Variants in OPLAH observed in about 807,000 individuals in gnomAD.
OPLAH encodes the protein 5-oxoprolinase.
Under a neutral mutation model 122.8 loss-of-function variants are expected in OPLAH, and 103 were observed. The observed-to-expected ratio is 0.84, with a 90% CI of 0.71 to 0.99. The LOEUF (loss-of-function observed/expected upper bound fraction) is 0.99, where lower values mean the gene tolerates loss of function less well. Ranked by LOEUF, OPLAH falls within the 50% of genes least tolerant of loss-of-function variation. OPLAH has a pLI of 0.00. For synonymous variants in OPLAH, 875 were observed against 796.0 expected (o/e 1.10, Z -1.67); for missense variants, 1,902 against 1,836.5 (o/e 1.04, Z -0.65).
chr8:144,051,083 G>T, downstream of OPLAH: 1 of 1,360,000 alleles, frequency 7.4e-7, no homozygotes, highest in Non-Finnish European at 9.4e-7. Flanking sequence ...TGCGGCACTG[G>T]GACGACCCTC....
intron 3 of OPLAH, 75 bp downstream of exon 3, chr8:144,059,524 C>A: frequency 6.9e-7 from 1 of 1,446,152 alleles, no homozygotes; most frequent in Non-Finnish European, 9.4e-7. Flanking sequence ...CCAACAACTG[C>A]TCTCCCCACA....
rs1554760055 is a variant in OPLAH at position 144,058,576 on chromosome 8, C to A, written c.703G>T (p.Ala235Ser). 10 of 1,602,010 alleles carry A rather than the reference C, an allele frequency of 6.2e-6. No homozygotes were observed. The highest frequency in any genetic ancestry group is 6.8e-6 in the Non-Finnish European group (8 of 1,179,210). Residue 235 changes from alanine (A) to serine (S), a missense_variant, in exon 6 of 27, where the codon GCC (alanine) becomes TCC (serine). Transcript: ENST00000618853. ...GGCGTGAGGTAGGCGTCGGCACAGG[C>A]CGTGTGCCCCCGAGGGACGATGCGC... ...MVRIVPRGHT[A>S]CADAYLTPAI...
chr8:144,054,955 G>C (rs1564289920), intron 17 of OPLAH, 42 bp from the exon 18 acceptor site: 1 of 1,305,256 alleles, frequency 7.7e-7, no homozygotes, highest in East Asian at 3.4e-5. Context: ...CAGGGGAGCA[G>C]GGGCCAGAGC....
Position 144,054,814 on chromosome 8 carries a change from G to A in OPLAH, c.2509C>T (p.Pro837Ser). The A allele has an allele frequency of 6.2e-7, 1 of 1,612,256 alleles. No homozygotes were observed. Among genetic ancestry groups the A allele is most frequent in the Non-Finnish European group, 8.5e-7 (1 of 1,179,802 alleles). The change falls in exon 18 of 27, where the codon CCG (proline) becomes TCG (serine). Residue 837 changes from proline to serine, a missense_variant and splice_region_variant. Pro to Ser is a moderately conservative substitution (Grantham distance 74). Coordinates refer to ENST00000618853, the MANE Select transcript of OPLAH (RefSeq NM_017570.5). ...GGCAGGCGGGCAGCACCCCTCACCG[G>A]TGTGATAACAGTCAGGTCTGGCAGG... is the stretch of plus-strand genomic sequence containing the variant. ...SHLPDLTVIT[P>S]VFWPGQTRPV...
downstream of OPLAH, chr8:144,050,562 G>C (rs1446631727): frequency 1.0e-6 from 1 of 985,534 alleles, no homozygotes; most frequent in Non-Finnish European, 1.2e-6. Context: ...GCAGGAGCAC[G>C]AGCTCTTCCG....
In OPLAH at chr8:144,054,909, T is replaced by A; in HGVS notation, c.2414A>T (p.Gln805Leu). Reference sequence around the variant, plus strand: ...AGGGTGGAGATCGGCCCCCAGGTGCTGAATCTGAAACCAGGAGATGGGTGC... The same window carrying A: ...AGGGTGGAGATCGGCCCCCAGGTGCAGAATCTGAAACCAGGAGATGGGTGC... ...AMQETVQFQI[Q>L]HLGADLHPGD... Residue 805 changes from glutamine (Q) to leucine (L), a missense_variant, in exon 18 of 27, where the codon CAG becomes CTG. By Grantham distance (113) the Gln-to-Leu change is moderately radical. This residue lies in a region of OPLAH where 1,726 missense variants were observed against 1,642.1 expected (regional missense o/e 1.05). Transcript: ENST00000618853. The A allele has an allele frequency of 6.3e-7, 1 of 1,594,002 alleles. No homozygotes were observed. Among genetic ancestry groups the A allele is most frequent in the Non-Finnish European group, 8.5e-7 (1 of 1,170,484 alleles).
At position 144,058,880 on chromosome 8, in the gene OPLAH, C is replaced by A; in HGVS notation, c.480G>T (p.Leu160=). The part of the protein sequence containing the change: ...GTPVKGRTGD[L]LEVQQPVDLG... Reference sequence around the variant, plus strand: ...GGTCCACAGGCTGCTGCACTTCCAGCAGGTCCCCCGTGCGGCCTTCCAGAA... The same window carrying A: ...GGTCCACAGGCTGCTGCACTTCCAGAAGGTCCCCCGTGCGGCCTTCCAGAA... Residue 160 remains leucine (L), a synonymous_variant, in exon 5 of 27, where the codon CTG becomes CTT. Transcript: ENST00000618853. 1 of 1,554,650 alleles carries A rather than the reference C, an allele frequency of 6.4e-7. No homozygotes were observed. The highest frequency in any genetic ancestry group is 1.9e-5 in the Admixed American group (1 of 51,690).
chr8:144,055,190 CTA>C lies in OPLAH; in HGVS notation c.2249-3_2249-2del. ...CGCTGCAGGATGCGGCCCATCTGCT[CTA>C]GGAGCACAAAGTGACCAGGCCCGCT... On this transcript the variant is annotated splice_acceptor_variant and splice_polypyrimidine_tract_variant and intron_variant, in intron 16 of 26. Transcript: ENST00000618853. LOFTEE classifies it high-confidence loss of function. This position sits in a 1 kb window ranked among gnomAD's most constrained non-coding sequence, Gnocchi z 6.5. 1 of 1,520,660 alleles carries C rather than the reference CTA, an allele frequency of 6.6e-7. No individual in the cohort carries two copies. The highest frequency in any genetic ancestry group is 1.3e-5 in the South Asian group (1 of 75,570). 94.2% of individuals were successfully genotyped at this position (1,520,660 alleles called of 1,614,324 possible). A position where few individuals can be genotyped will look rare whatever the true frequency, so the allele number is the denominator to read the frequency against.
Position 144,055,056 on chromosome 8 carries a change from AC to A in OPLAH, c.2381del (p.Gly794ValfsTer25). On this transcript the variant is annotated frameshift_variant, in exon 17 of 27. Transcript: ENST00000618853. LOFTEE classifies it high-confidence loss of function. The surrounding 1 kb of genome is among the most constrained non-coding windows in gnomAD (Gnocchi z 6.5). ...GGAACTGCACCGTCTCCTGCATGGC[AC>A]CCAGGTGCACAGGGATGTGGGGGGC... is the stretch of plus-strand genomic sequence containing the variant. ...SNAPHIPVHL[G>X]AMQETVQFQI... 6.5e-7 allele frequency: 1 copy of A among 1,532,152 alleles called. No homozygotes were observed. The highest frequency in any genetic ancestry group is 8.8e-7 in the Non-Finnish European group (1 of 1,137,490). 94.9% of individuals were successfully genotyped at this position (1,532,152 alleles called of 1,614,324 possible). A position where few individuals can be genotyped will look rare whatever the true frequency, so the allele number is the denominator to read the frequency against.
At chr8:144,051,192 TCA>T, downstream of OPLAH, 1 of 1,455,558 alleles carries the variant, frequency 6.9e-7, no homozygotes, top group Non-Finnish European at 9.0e-7. Flanking sequence ...GCTCCGAGTC[TCA>T]GTGTCCTCCT....
At chr8:144,057,778 G>A (rs1564292603) in intron 9 of OPLAH, 65 bp from the exon 10 acceptor site, 3 of 1,609,316 alleles carry the variant, frequency 1.9e-6, no homozygotes, top group Non-Finnish European at 1.7e-6. Context: ...AGGCAGCAGG[G>A]ATAGGGCTGA....
At position 144,056,196 on chromosome 8, in the gene OPLAH, C is replaced by G. The variant is rs377192975; in HGVS notation, c.2047G>C (p.Gly683Arg). 8 of 1,612,190 alleles carry G rather than the reference C, an allele frequency of 5.0e-6. No individual in the cohort carries two copies. Among genetic ancestry groups the G allele is most frequent in the Non-Finnish European group, 6.8e-6 (8 of 1,179,426 alleles). ...GGCCCATGGAGCTTGTGCCCATAGCCCAGCTCTGCCAGCAGGTACACAGGG... is the reference window on the plus strand; with the variant it reads ...GGCCCATGGAGCTTGTGCCCATAGCGCAGCTCTGCCAGCAGGTACACAGGG... ...ETPVYLLAEL[G>R]YGHKLHGPCL... Residue 683 changes from glycine (G) to arginine (R), a missense_variant, in exon 15 of 27, where the codon GGC becomes CGC. By Grantham distance (125) the Gly-to-Arg change is moderately radical (BLOSUM62 -2). This residue lies in a region of OPLAH where 1,726 missense variants were observed against 1,642.1 expected (regional missense o/e 1.05). Coordinates refer to ENST00000618853, the MANE Select transcript of OPLAH (RefSeq NM_017570.5).
intron 26 of OPLAH, 53 bp from the exon 27 acceptor site, chr8:144,051,525 C>A: frequency 1.4e-6 from 2 of 1,385,368 alleles, no homozygotes; most frequent in Non-Finnish European, 1.9e-6. Context: ...CGTGGCCCCT[C>A]CCTGTCACCT....
intron 1 of OPLAH, 131 bp downstream of exon 1, chr8:144,060,522 C>T (rs1835642396): frequency 6.5e-6 from 1 of 154,178 alleles, no homozygotes; most frequent in East Asian, 1.9e-4. Flanking sequence ...GCCTGAGCAC[C>T]GACGGGGCGA....
rs536963506 is a variant in OPLAH at position 144,060,207 on chromosome 8, G to A, written c.-53-122C>T. Reference sequence around the variant, plus strand: ...GGGCACGACTCTGGGAAGAGCCAGAGCCGCAGGCCCAGCTCCGAGGGCAGC... The same window carrying A: ...GGGCACGACTCTGGGAAGAGCCAGAACCGCAGGCCCAGCTCCGAGGGCAGC... On this transcript the variant is annotated intron_variant, in intron 1 of 26. Transcript: ENST00000618853. 1.0e-3 allele frequency: 756 copies of A among 735,334 alleles called. 1 individual carries two copies. The highest frequency in any genetic ancestry group is 3.4e-3 in the Admixed American group (113 of 33,630). 45.6% of individuals were successfully genotyped at this position (735,334 alleles called of 1,614,324 possible). A position where few individuals can be genotyped will look rare whatever the true frequency, so the allele number is the denominator to read the frequency against.
chr8:144,057,588 C>A lies in OPLAH; in HGVS notation c.1282G>T (p.Glu428Ter), dbSNP rs1554759644. 1.9e-6 allele frequency: 3 copies of A among 1,586,232 alleles called. No individual in the cohort carries two copies. The highest frequency in any genetic ancestry group is 2.6e-6 in the Non-Finnish European group (3 of 1,165,806). Reference protein sequence around the residue: ...LSPEASRKALEAVATEVNSFL... With the variant: ...LSPEASRKAL ...CTGTTGACCTCAGTGGCCACAGCCT[C>A]CAGGGCTTTGCGGGAGGCCTCAGGG... The change falls in exon 10 of 27, where the codon GAG becomes TAG. Residue 428 changes from glutamate to a stop codon, truncating the protein, a stop_gained. Transcript: ENST00000618853. LOFTEE classifies it high-confidence loss of function.
chr8:144,057,817 C>T (rs1474155448), intron 9 of OPLAH, 39 bp downstream of exon 9: 17 of 1,604,352 alleles, frequency 1.1e-5, no homozygotes, highest in Admixed American at 3.5e-5. Context: ...CGGCGGCAAG[C>T]GGAGGGCAAG....
chr8:144,060,557 C>T (rs1383135511), intron 1 of OPLAH, 96 bp downstream of exon 1: 6 of 153,306 alleles, frequency 3.9e-5, no homozygotes, highest in South Asian at 2.0e-4. Flanking sequence ...GCGTGAGGAG[C>T]GGCCCGGGAG....
rs782276156 is a variant in OPLAH at position 144,056,446 on chromosome 8, C to G, written c.1922G>C (p.Arg641Pro). 1 of 1,610,230 alleles carries G rather than the reference C, an allele frequency of 6.2e-7. No homozygotes were observed. Among genetic ancestry groups the G allele is most frequent in the East Asian group, 2.2e-5 (1 of 44,792 alleles). The change falls in exon 14 of 27, where the codon CGC (arginine) becomes CCC (proline). Residue 641 changes from arginine (R) to proline (P), a missense_variant. By Grantham distance (103) the Arg-to-Pro change is moderately radical. This residue lies in a region of OPLAH where 1,726 missense variants were observed against 1,642.1 expected (regional missense o/e 1.05). Transcript: ENST00000618853. ...GGCATCCTCGAGGCGAAGACCACTG[C>G]GGCCGGTGCCCCGCACTCGCACATC... Reference protein sequence around the residue: ...VDDVRVRGTGRSGLRLEDAPK... With the variant: ...VDDVRVRGTGPSGLRLEDAPK...
Sources: allele counts gnomAD v4.1 joint callset, GRCh38; gene constraint gnomAD v4.1.1; regional missense constraint gnomAD v4.1.1; non-coding constraint Gnocchi (gnomAD v3.1); transcripts MANE v1.5; gene names NCBI Gene and HGNC (gene_info 2026-07-23, HGNC 2026-07-21).